The following CREB5 variants were observed in gnomAD, a reference collection of about 807,000 sequenced individuals.
The protein encoded by CREB5 is cyclic AMP-responsive element-binding protein 5.
Under a neutral mutation model 57.1 loss-of-function variants are expected in CREB5, and 19 were observed. That is an observed-to-expected ratio of 0.33 (90% CI 0.23 to 0.49). The LOEUF is 0.49. CREB5 is among the 20% of genes least tolerant of loss of function. The probability of loss-of-function intolerance (pLI) is 0.99; values close to 1 mark genes in which losing one functional copy is unlikely to be tolerated. For synonymous variants in CREB5, 238 were observed against 238.3 expected (o/e 1.00, Z 0.01); for missense variants, 579 against 671.6 (o/e 0.86, Z 1.52).
intron 5 of CREB5, among the ~76,000 whole-genome samples, chr7:28,575,367 A>AC (rs1319228726): frequency 6.6e-6 from 1 of 152,164 alleles, no homozygotes; most frequent in Non-Finnish European, 1.5e-5. Flanking sequence ...GAAGTGGGTA[A>AC]ATGATGCCAT....
chr7:28,669,077 A>G (rs148351103), intron 5 of CREB5, among the ~76,000 whole-genome samples: 8 of 152,352 alleles, frequency 5.3e-5, no homozygotes, highest in African/African-American at 1.9e-4. Context: ...CCTTTCTTGC[A>G]ATGAAAACAT....
In CREB5 at chr7:28,718,820, T is replaced by C; in HGVS notation, c.532T>C (p.Ser178Pro). Reference sequence around the variant, plus strand: ...CAGACAGAGACAGCCCATGCCAGCCTCCATGCCTGGGACCCTGCCCAACCC... The same window carrying C: ...CAGACAGAGACAGCCCATGCCAGCCCCCATGCCTGGGACCCTGCCCAACCC... ...HNRQRQPMPA[S>P]MPGTLPNPTM... The change falls in exon 6 of 11, where the codon TCC becomes CCC. Residue 178 changes from serine (S) to proline (P), a missense_variant. Physicochemically the swap from Ser to Pro is moderately conservative, Grantham distance 74 (BLOSUM62 -1). Around this residue, in one of 3 missense-constraint regions of CREB5, gnomAD observed 459 missense variants for 515.7 expected, o/e 0.89. Coordinates refer to ENST00000357727, the MANE Select transcript of CREB5 (RefSeq NM_182898.4). The C allele has an allele frequency of 6.2e-7, 1 of 1,614,116 alleles. No individual in the cohort carries two copies. The highest frequency in any genetic ancestry group is 8.5e-7 in the Non-Finnish European group (1 of 1,179,970).
intron 7 of CREB5, among the ~76,000 whole-genome samples, chr7:28,758,240 A>C (rs1048736364): frequency 6.6e-6 from 1 of 152,176 alleles, no homozygotes; most frequent in African/African-American, 2.4e-5. Context: ...CAGGTATCTG[A>C]GTCCTTTCCT....
intron 5 of CREB5, among the ~76,000 whole-genome samples, chr7:28,644,416 A>T (rs1798810236): frequency 6.6e-6 from 1 of 151,888 alleles, no homozygotes; most frequent in Admixed American, 6.6e-5. Flanking sequence ...TTTGATGTAA[A>T]CCCATTTTGG....
At chr7:28,561,902 G>C (rs1219680557) in intron 4 of CREB5, among the ~76,000 whole-genome samples, 1 of 152,082 alleles carries the variant, frequency 6.6e-6, no homozygotes, top group Non-Finnish European at 1.5e-5. Flanking sequence ...CCACCACCAT[G>C]CCCAGCTAAT....
intron 1 of CREB5, among the ~76,000 whole-genome samples, chr7:28,440,357 C>G (rs1361351659): frequency 6.6e-6 from 1 of 152,046 alleles, no homozygotes; most frequent in African/African-American, 2.4e-5. Context: ...TAAGCGAGGC[C>G]TGTTTGAGAA....
chr7:28,520,914 C>T (rs1396132378), intron 4 of CREB5, among the ~76,000 whole-genome samples: 3 of 152,226 alleles, frequency 2.0e-5, no homozygotes, highest in Non-Finnish European at 4.4e-5. Flanking sequence ...CCTATTAGAA[C>T]CATATGCTGA....
chr7:28,567,632 T>A lies in CREB5; in HGVS notation c.292-2733T>A, dbSNP rs116598296. Among the ~76,000 whole-genome samples, 582 of 152,324 alleles carry A rather than the reference T, an allele frequency of 3.8e-3. 3 individuals carry two copies. The highest frequency in any genetic ancestry group is 0.014 in the African/African-American group (563 of 41,570). On this transcript the variant is annotated intron_variant, in intron 4 of 10. Transcript: ENST00000357727. Reference sequence around the variant, plus strand: ...AGGAAAAGGAGATGGTGCCCATCACTTCGGTGAGTGTGGGCAGGAAAGGTT... The same window carrying A: ...AGGAAAAGGAGATGGTGCCCATCACATCGGTGAGTGTGGGCAGGAAAGGTT...
chr7:28,362,829 G>C (rs1284404487), intron 1 of CREB5, among the ~76,000 whole-genome samples: 1 of 152,192 alleles, frequency 6.6e-6, no homozygotes, highest in Non-Finnish European at 1.5e-5. Context: ...GATGAAGCTG[G>C]TTAAAAGTTT....
intron 1 of CREB5, among the ~76,000 whole-genome samples, chr7:28,400,778 GC>G (rs1787444942): frequency 6.6e-6 from 1 of 152,136 alleles, no homozygotes; most frequent in African/African-American, 2.4e-5. Context: ...ACTTATAAAT[GC>G]CCCTAAAGAG....
intron 1 of CREB5, among the ~76,000 whole-genome samples, chr7:28,483,565 C>A (rs939465420): frequency 4.6e-5 from 7 of 152,066 alleles, no homozygotes; most frequent in African/African-American, 1.7e-4. Context: ...AAAATGAGTA[C>A]CGTTTAGAAA....
chr7:28,308,950 C>T (rs1365144374), intron 1 of CREB5, among the ~76,000 whole-genome samples: 1 of 152,174 alleles, frequency 6.6e-6, no homozygotes, highest in Non-Finnish European at 1.5e-5. Context: ...GATTTTGAGA[C>T]TTCCATAATG....
intron 5 of CREB5, among the ~76,000 whole-genome samples, chr7:28,666,539 A>C (rs1026462919): frequency 3.0e-5 from 4 of 134,322 alleles, no homozygotes; most frequent in African/African-American, 1.2e-4. Context: ...GTTTACTTTT[A>C]AAATATATAT....
At chr7:28,714,480 A>G (rs891324063) in intron 5 of CREB5, among the ~76,000 whole-genome samples, 2 of 152,182 alleles carry the variant, frequency 1.3e-5, no homozygotes, top group African/African-American at 4.8e-5. Context: ...ACCCCTTCGC[A>G]CCTTCCAGAC....
At chr7:28,737,558 TA>T (rs1562606513) in intron 7 of CREB5, among the ~76,000 whole-genome samples, 4 of 82,770 alleles carry the variant, frequency 4.8e-5, no homozygotes, top group African/African-American at 2.1e-4. Context: ...TATATATATA[TA>T]TATATATATA....
rs187660215 is a variant in CREB5, at chr7:28,569,457, G to A, written c.292-908G>A. Reference sequence around the variant, plus strand: ...TTTCTTTTCTATGAAGACCTATCTCGCATATTTTACTTACTTTTGAATTTT... The same window carrying A: ...TTTCTTTTCTATGAAGACCTATCTCACATATTTTACTTACTTTTGAATTTT... On this transcript the variant is annotated intron_variant, in intron 4 of 10. Transcript: ENST00000357727. 3.0e-4 allele frequency among the ~76,000 whole-genome samples: 46 copies of A among 152,074 alleles called. No individual in the cohort carries two copies. In the East Asian group the frequency reaches 6.9e-3, roughly 23 times the overall value.
chr7:28,400,272 C>A (rs573556456), intron 1 of CREB5, among the ~76,000 whole-genome samples: 1 of 152,266 alleles, frequency 6.6e-6, no homozygotes, highest in East Asian at 1.9e-4. Flanking sequence ...AATTACTTAG[C>A]CTCACTGAGC....
chr7:28,345,425 A>G (rs1336418195), intron 1 of CREB5, among the ~76,000 whole-genome samples: 1 of 152,182 alleles, frequency 6.6e-6, no homozygotes, highest in African/African-American at 2.4e-5. Flanking sequence ...TACTTTTGAG[A>G]TCCCACTGAG....
intron 5 of CREB5, among the ~76,000 whole-genome samples, chr7:28,633,574 A>T (rs1798288894): frequency 6.6e-6 from 1 of 152,228 alleles, no homozygotes; most frequent in African/African-American, 2.4e-5. Context: ...TAACCTGTGC[A>T]AGGTGCTCAC....
Sources: gnomAD v4.1 joint callset for allele counts (sites outside exome capture counted in the v4.1 genomes callset) on GRCh38, gnomAD v4.1.1 for gene constraint, gnomAD v4.1.1 regional missense constraint, MANE v1.5 for transcripts, NCBI Gene and HGNC (gene_info 2026-07-23, HGNC 2026-07-21) for gene names.